VDAC1: variants seen among roughly 807,000 people sequenced by gnomAD.
The protein encoded by VDAC1 is non-selective voltage-gated ion channel VDAC1.
Under a neutral mutation model 34.7 loss-of-function variants are expected in VDAC1, and 10 were observed. The ratio of observed to expected loss-of-function variants is 0.29; its 90% CI spans 0.18 to 0.49. The LOEUF (loss-of-function observed/expected upper bound fraction) is 0.49. Among genes scored for constraint, VDAC1 ranks in the 20% least tolerant of loss-of-function variants. The pLI is 0.99. For synonymous variants in VDAC1, 130 were observed against 136.0 expected, an observed-to-expected ratio of 0.96 and a Z score of 0.30; for missense variants, 230 against 347.9, an observed-to-expected ratio of 0.66 and a Z score of 2.69.
the VDAC1 span, among the ~76,000 whole-genome samples, chr5:134,113,924 T>G: frequency 2.0e-5 from 3 of 152,124 alleles, no homozygotes; most frequent in Non-Finnish European, 4.4e-5. Context: ...TGCCCAAAGT[T>G]CCGAGTCTCC....
the VDAC1 span, among the ~76,000 whole-genome samples, chr5:134,060,279 C>T: frequency 2.6e-5 from 4 of 151,952 alleles, no homozygotes; most frequent in Admixed American, 2.6e-4. Context: ...CTGCACGCAC[C>T]TCATCCCAGC....
chr5:134,059,442 C>G, the VDAC1 span, among the ~76,000 whole-genome samples: 1 of 152,264 alleles, frequency 6.6e-6, no homozygotes, highest in Non-Finnish European at 1.5e-5. Context: ...CTCCCACGTG[C>G]TGTAGGCAGT....
the VDAC1 span, among the ~76,000 whole-genome samples, chr5:134,011,322 GTTAT>G: frequency 3.9e-5 from 6 of 151,954 alleles, no homozygotes; most frequent in Admixed American, 1.3e-4. Context: ...TTTTAATGGG[GTTAT>G]TTGTTTTTTT....
the VDAC1 span, among the ~76,000 whole-genome samples, chr5:134,096,608 T>TTTTTTA: frequency 0.93 from 141,079 of 151,468 alleles, 65,816 homozygotes; most frequent in African/African-American, 0.98. Context: ...CTCTTCTTCT[T>TTTTTTA]TTTTTTATTT....
the VDAC1 span, among the ~76,000 whole-genome samples, chr5:134,023,281 C>T: frequency 2.4e-4 from 37 of 152,010 alleles, no homozygotes; most frequent in East Asian, 6.8e-3. Context: ...ACAATAGGAA[C>T]ACATGGACAC....
the VDAC1 span, among the ~76,000 whole-genome samples, chr5:134,087,340 C>T: frequency 4.0e-5 from 6 of 151,698 alleles, no homozygotes; most frequent in South Asian, 2.1e-4. Flanking sequence ...CTGAAAGGTC[C>T]GGGGAAGAGC....
chr5:133,972,891 AGGAGGAGGAAT>A (rs915677419), intron 8 of VDAC1, 29 bp from the exon 9 acceptor site: 1 of 1,564,238 alleles, frequency 6.4e-7, no homozygotes, highest in African/African-American at 1.4e-5. Flanking sequence ...GGGAGAGGAA[AGGAGGAGGAAT>A]GGAGGAAAGA....
At chr5:134,001,488 G>C (rs568287475) in intron 1 of VDAC1, among the ~76,000 whole-genome samples, 5 of 152,156 alleles carry the variant, frequency 3.3e-5, no homozygotes, top group African/African-American at 1.2e-4. Context: ...AGGCCGAGGC[G>C]GGTGGATCAG....
At chr5:134,015,648 A>G in the VDAC1 span, among the ~76,000 whole-genome samples, 1 of 150,704 alleles carries the variant, frequency 6.6e-6, no homozygotes, top group African/African-American at 2.4e-5. Context: ...TTTTTGAATC[A>G]CTTTTTTATT....
chr5:134,075,725 A>C, the VDAC1 span, among the ~76,000 whole-genome samples: 1 of 152,012 alleles, frequency 6.6e-6, no homozygotes, highest in Non-Finnish European at 1.5e-5. Flanking sequence ...CTGGGGCTAC[A>C]GGCGCGTGCC....
the VDAC1 span, among the ~76,000 whole-genome samples, chr5:134,057,995 C>G: frequency 6.6e-6 from 1 of 152,078 alleles, no homozygotes; most frequent in Non-Finnish European, 1.5e-5. Flanking sequence ...CTCCTGGGCT[C>G]AAGCAATCCT....
At chr5:133,985,735 C>A (rs368736788) in intron 5 of VDAC1, among the ~76,000 whole-genome samples, 8 of 152,186 alleles carry the variant, frequency 5.3e-5, no homozygotes, top group African/African-American at 1.9e-4. Flanking sequence ...GTGATTGGCA[C>A]CAGGCTGGTT....
the VDAC1 span, among the ~76,000 whole-genome samples, chr5:134,105,833 C>T: frequency 1.3e-5 from 2 of 152,260 alleles, no homozygotes; most frequent in Non-Finnish European, 2.9e-5. Flanking sequence ...TTGGGAGGTG[C>T]CCACACTAGA....
chr5:133,987,948 A>G (rs992756760), intron 5 of VDAC1, among the ~76,000 whole-genome samples: 3 of 152,222 alleles, frequency 2.0e-5, no homozygotes, highest in African/African-American at 7.2e-5. Context: ...AAATTTAATC[A>G]TAAGGAAGCA....
intron 1 of VDAC1, among the ~76,000 whole-genome samples, chr5:133,999,139 T>A (rs537393958): frequency 6.6e-6 from 1 of 152,316 alleles, no homozygotes; most frequent in South Asian, 2.1e-4. Context: ...AGTGAGACCC[T>A]GTCTCTTTTA....
chr5:133,994,168 A>G (rs966924075), intron 1 of VDAC1, among the ~76,000 whole-genome samples: 1 of 152,216 alleles, frequency 6.6e-6, no homozygotes, highest in East Asian at 1.9e-4. Context: ...ATATGCTTCC[A>G]TATCATCAAT....
chr5:134,093,921 CTG>C, the VDAC1 span, among the ~76,000 whole-genome samples: 4 of 152,206 alleles, frequency 2.6e-5, no homozygotes, highest in African/African-American at 9.6e-5. Flanking sequence ...CTGGGAAGCA[CTG>C]TGAGATACCT....
the VDAC1 span, among the ~76,000 whole-genome samples, chr5:134,022,142 G>A: frequency 6.6e-6 from 1 of 152,298 alleles, no homozygotes; most frequent in East Asian, 1.9e-4. Flanking sequence ...GCCTCCCAAA[G>A]TGCTGGGATT....
the VDAC1 span, among the ~76,000 whole-genome samples, chr5:134,061,273 T>G: frequency 6.6e-6 from 1 of 151,562 alleles, no homozygotes; most frequent in Non-Finnish European, 1.5e-5. Context: ...TGGATATAAT[T>G]GTTAAATATT....
Sources: allele counts gnomAD v4.1 joint callset (sites outside exome capture counted in the v4.1 genomes callset), GRCh38; gene constraint gnomAD v4.1.1; transcripts MANE v1.5; gene names NCBI Gene and HGNC (gene_info 2026-07-23, HGNC 2026-07-21).